Variants in ADAD1 observed in about 807,000 individuals in gnomAD.
The protein encoded by ADAD1 is adenosine deaminase domain-containing protein 1.
A neutral mutation model predicts 66.8 loss-of-function variants in ADAD1; 46 were observed. The observed-to-expected ratio is 0.69, with a 90% CI of 0.54 to 0.88. ADAD1 has a LOEUF of 0.88. ADAD1 is among the 40% of genes least tolerant of loss of function. The probability of loss-of-function intolerance (pLI) is 0.00; values close to 1 mark genes in which losing one functional copy is unlikely to be tolerated. For missense variants in ADAD1, 617 were observed against 681.8 expected, an observed-to-expected ratio of 0.91 and a Z score of 1.06; for synonymous variants, 248 against 229.4, an observed-to-expected ratio of 1.08 and a Z score of -0.73.
chr4:122,383,790 T>G lies in ADAD1; in HGVS notation c.362-9T>G. 6.3e-7 allele frequency: 1 copy of G among 1,578,616 alleles called. No individual in the cohort carries two copies. The highest frequency in any genetic ancestry group is 1.4e-5 in the African/African-American group (1 of 73,214). Reference sequence around the variant, plus strand: ...TTATTGTAGCATTCATTCTGAGTTCTTTTTCAAGGTAATGTTATGGGACCA... The same window carrying G: ...TTATTGTAGCATTCATTCTGAGTTCGTTTTCAAGGTAATGTTATGGGACCA... On this transcript the variant is annotated splice_polypyrimidine_tract_variant and intron_variant, in intron 4 of 12. Coordinates refer to ENST00000296513, the MANE Select transcript of ADAD1 (RefSeq NM_139243.4).
At chr4:122,427,824 C>T (rs71606256) in intron 12 of ADAD1, among the ~76,000 whole-genome samples, 3 of 151,760 alleles carry the variant, frequency 2.0e-5, no homozygotes, top group Non-Finnish European at 2.9e-5. Context: ...CCACACCCAG[C>T]GCAATCCAAA....
chr4:122,385,352 A>G (rs1285801947), intron 5 of ADAD1, among the ~76,000 whole-genome samples: 1 of 152,056 alleles, frequency 6.6e-6, no homozygotes, highest in African/African-American at 2.4e-5. Flanking sequence ...TGCTCACTGC[A>G]ACCTCCCCCT....
At chr4:122,423,602 A>T (rs1289843457) in intron 12 of ADAD1, among the ~76,000 whole-genome samples, 1 of 152,170 alleles carries the variant, frequency 6.6e-6, no homozygotes, top group Admixed American at 6.5e-5. Flanking sequence ...AGCCAAAAAA[A>T]TTTGAAAAAG....
chr4:122,421,570 T>G (rs1046941767), intron 12 of ADAD1, among the ~76,000 whole-genome samples, 180 bp downstream of exon 12: 3 of 152,174 alleles, frequency 2.0e-5, no homozygotes, highest in Non-Finnish European at 4.4e-5. Flanking sequence ...TGTAAATAAG[T>G]ATTGCCATTT....
intron 10 of ADAD1, among the ~76,000 whole-genome samples, chr4:122,414,074 T>C (rs1034512632): frequency 1.6e-4 from 24 of 150,472 alleles, no homozygotes; most frequent in African/African-American, 5.6e-4. Flanking sequence ...ACCTCAGATA[T>C]AGTAAATTAT....
intron 12 of ADAD1, among the ~76,000 whole-genome samples, chr4:122,424,182 G>A (rs1797131881): frequency 6.6e-6 from 1 of 152,150 alleles, no homozygotes; most frequent in African/African-American, 2.4e-5. Context: ...TTAAGAAAAT[G>A]TGTTGTTAGC....
intron 7 of ADAD1, among the ~76,000 whole-genome samples, chr4:122,407,285 G>A (rs750156245): frequency 4.6e-5 from 7 of 152,150 alleles, no homozygotes; most frequent in Middle Eastern, 3.2e-3. Flanking sequence ...GGAATGGAAA[G>A]ACCTAATCAG....
At position 122,380,268 on chromosome 4, in the gene ADAD1, G is replaced by T. The variant is rs1028489739; in HGVS notation, c.172+27G>T. On this transcript the variant is annotated intron_variant, in intron 3 of 12. Transcript: ENST00000296513. ...TACGACTTTTTTCATTTGTAACAATGAGTCAGTTCTTTAAGATTCTAGGAT... is the reference window on the plus strand; with the variant it reads ...TACGACTTTTTTCATTTGTAACAATTAGTCAGTTCTTTAAGATTCTAGGAT... The T allele has an allele frequency of 3.1e-6, 5 of 1,587,328 alleles. No homozygotes were observed. In the African/African-American group the frequency reaches 6.8e-5, roughly 22 times the overall value.
At chr4:122,420,079 A>G (rs1006385338) in intron 11 of ADAD1, among the ~76,000 whole-genome samples, 3 of 152,206 alleles carry the variant, frequency 2.0e-5, no homozygotes, top group Non-Finnish European at 2.9e-5. Context: ...AGGAGCTACA[A>G]TTATCACTCT....
chr4:122,415,228 A>G, intron 10 of ADAD1, 151 bp from the exon 11 acceptor site: 1 of 612,642 alleles, frequency 1.6e-6, no homozygotes, highest in Non-Finnish European at 2.8e-6. Context: ...AAGAATATGG[A>G]GTAGATGCTA....
In ADAD1 at chr4:122,381,012, C is replaced by G. The variant is rs762027340; in HGVS notation, c.193C>G (p.Leu65Val). 7.5e-6 allele frequency: 12 copies of G among 1,593,828 alleles called. No homozygotes were observed. The African/African-American group carries it at 1.6e-4, about 22-fold the overall frequency. Residue 65 changes from leucine to valine, a missense_variant, in exon 4 of 13, where the codon CTT (leucine) becomes GTT (valine). Transcript: ENST00000296513. ...TTTAGGTAATTTTCCAGAGCCGTTGCTTTCCAAGAATCTTTCATCTATTTC... is the reference window on the plus strand; with the variant it reads ...TTTAGGTAATTTTCCAGAGCCGTTGGTTTCCAAGAATCTTTCATCTATTTC... ...QVTGNFPEPL[L>V]SKNLSSISNP...
Position 122,396,516 on chromosome 4 carries a change from C to A in ADAD1, c.724+139C>A, listed in dbSNP as rs922562647. On this transcript the variant is annotated intron_variant, in intron 7 of 12. Transcript: ENST00000296513. Reference sequence around the variant, plus strand: ...TCTAGTAAGTGTGGGTCATTAAACACAAAGCTTCTCCAAGGTAGAGATAAA... The same window carrying A: ...TCTAGTAAGTGTGGGTCATTAAACAAAAAGCTTCTCCAAGGTAGAGATAAA... 2.4e-5 allele frequency: 15 copies of A among 623,938 alleles called. No individual in the cohort carries two copies. In the Admixed American group the frequency reaches 3.6e-4, roughly 15 times the overall value. 38.7% of individuals were successfully genotyped at this position (623,938 alleles called of 1,614,324 possible).
intron 12 of ADAD1, among the ~76,000 whole-genome samples, chr4:122,424,978 C>T (rs1258368641): frequency 6.6e-6 from 1 of 151,942 alleles, no homozygotes; most frequent in Non-Finnish European, 1.5e-5. Flanking sequence ...GACAGAGCAA[C>T]ATCTTACAGT....
chr4:122,395,606 G>A (rs1482540065), intron 6 of ADAD1, among the ~76,000 whole-genome samples: 3 of 151,776 alleles, frequency 2.0e-5, no homozygotes, highest in Non-Finnish European at 2.9e-5. Context: ...GCTTGAACCC[G>A]GGAGGCCGAG....
rs45494096 is a variant in ADAD1 at position 122,418,423 on chromosome 4, C to T, written c.1487+2807C>T. On this transcript the variant is annotated intron_variant, in intron 11 of 12. Transcript: ENST00000296513. ...CTTCCAGGTTCACCTTCCTGGTTCA[C>T]GCCATTCTCCTGCCTCAGCCTCCCG... is the stretch of plus-strand genomic sequence containing the variant. 3.3e-3 allele frequency among the ~76,000 whole-genome samples: 497 copies of T among 151,094 alleles called. 1 individual carries two copies. The highest frequency in any genetic ancestry group is 6.9e-3 in the Middle Eastern group (2 of 290).
chr4:122,418,950 C>T (rs930555890), intron 11 of ADAD1, among the ~76,000 whole-genome samples: 4 of 152,110 alleles, frequency 2.6e-5, no homozygotes, highest in Non-Finnish European at 4.4e-5. Context: ...TTAGTTCAAC[C>T]GTTGTGGAAG....
chr4:122,383,712 G>C, intron 4 of ADAD1, 87 bp from the exon 5 acceptor site: 1 of 1,382,550 alleles, frequency 7.2e-7, no homozygotes, highest in Non-Finnish European at 9.6e-7. Flanking sequence ...GAGAATTTTT[G>C]TACTGGAATG....
intron 11 of ADAD1, among the ~76,000 whole-genome samples, chr4:122,417,038 T>C (rs62321752): frequency 0.049 from 7,494 of 151,944 alleles, 259 homozygotes; most frequent in Non-Finnish European, 0.074. Flanking sequence ...TAATTACAAA[T>C]AAAAAGAAAG....
At chr4:122,401,024 ATCTTT>A (rs1795950758) in intron 7 of ADAD1, among the ~76,000 whole-genome samples, 1 of 151,250 alleles carries the variant, frequency 6.6e-6, no homozygotes, top group South Asian at 2.1e-4. Context: ...TCTTTATTAT[ATCTTT>A]TCTTCTGCTG....
Sources: gnomAD v4.1 joint callset for allele counts (sites outside exome capture counted in the v4.1 genomes callset) on GRCh38, gnomAD v4.1.1 for gene constraint, MANE v1.5 for transcripts, NCBI Gene and HGNC (gene_info 2026-07-23, HGNC 2026-07-21) for gene names.